Variants in SLC35D1 observed in about 807,000 individuals in gnomAD.
SLC35D1 encodes the protein solute carrier family 35 member D1, also known as nucleotide sugar transporter SLC35D1.
In SLC35D1, 31 loss-of-function variants were observed where a neutral mutation model predicts 46.7. The ratio of observed to expected loss-of-function variants is 0.66; its 90% confidence interval spans 0.50 to 0.90. SLC35D1 has a LOEUF of 0.90. SLC35D1 is among the 40% of genes least tolerant of loss of function. The pLI is 0.00. For missense variants in SLC35D1, 397 were observed against 426.2 expected (o/e 0.93, Z 0.60); for synonymous variants, 195 against 164.6 (o/e 1.18, Z -1.41).
intron 8 of SLC35D1, among the ~76,000 whole-genome samples, 156 bp from the exon 9 acceptor site, chr1:67,021,758 C>G (rs1011263192): frequency 2.7e-5 from 4 of 150,154 alleles, no homozygotes; most frequent in African/African-American, 7.4e-5. Flanking sequence ...CACACACACA[C>G]AGGTATATGT....
At chr1:66,994,504 C>A (rs1047781803), downstream of SLC35D1, among the ~76,000 whole-genome samples, 1 of 152,012 alleles carries the variant, frequency 6.6e-6, no homozygotes, top group Non-Finnish European at 1.5e-5. Context: ...ACTAGCCAGA[C>A]GTGGTGGCAC....
At chr1:67,012,354 T>C (rs1001675383) in intron 10 of SLC35D1, among the ~76,000 whole-genome samples, 2 of 152,070 alleles carry the variant, frequency 1.3e-5, no homozygotes, top group African/African-American at 2.4e-5. Flanking sequence ...TGGCAATACA[T>C]TTTTTGGGCG....
At chr1:67,019,753 AAAGCACTAG>A (rs1254862869) in intron 10 of SLC35D1, among the ~76,000 whole-genome samples, 1 of 152,242 alleles carries the variant, frequency 6.6e-6, no homozygotes, top group Non-Finnish European at 1.5e-5. Flanking sequence ...CTTGAATCAT[AAAGCACTAG>A]AATCACAAAG....
At chr1:66,987,987 A>G in the SLC35D1 span, 3 of 152,320 alleles carry the variant, frequency 2.0e-5, no homozygotes, top group Non-Finnish European at 4.4e-5. Context: ...AGTGGAGTTC[A>G]TATCACATTA....
In SLC35D1 at chr1:67,053,926, C is replaced by A. The variant is rs756461049; in HGVS notation, c.88G>T (p.Gly30Trp). Reference sequence around the variant, plus strand: ...GTCAGCGTTTCGGCCGACGCCATCCCCAGCTCCTCCTCATCTCGGAGTGTG... The same window carrying A: ...GTCAGCGTTTCGGCCGACGCCATCCACAGCTCCTCCTCATCTCGGAGTGTG... ...SSTLRDEEELGMASAETLTVF... is the reference protein window; with the variant it reads ...SSTLRDEEELWMASAETLTVF... The change falls in exon 1 of 12, where the codon GGG (glycine) becomes TGG (tryptophan). Residue 30 changes from glycine to tryptophan, a missense_variant. Physicochemically the swap from Gly to Trp is radical, Grantham distance 184. Transcript: ENST00000235345. The A allele has an allele frequency of 6.8e-6, 11 of 1,613,836 alleles. No homozygotes were observed. The South Asian group carries it at 1.1e-4, about 16-fold the overall frequency.
chr1:67,006,993 T>C (rs1667463573), intron 11 of SLC35D1, among the ~76,000 whole-genome samples: 1 of 152,166 alleles, frequency 6.6e-6, no homozygotes, highest in South Asian at 2.1e-4. Context: ...TCTGTATTCA[T>C]CAAATAAGAA....
In SLC35D1 at chr1:67,024,030, C is replaced by T. The variant is rs996272953; in HGVS notation, c.730-2428G>A. Reference sequence around the variant, plus strand: ...CACGAACTCGGCTCACTGCAACCTCCGTCTCCTGGGTTCAAGTGATTCTCC... The same window carrying T: ...CACGAACTCGGCTCACTGCAACCTCTGTCTCCTGGGTTCAAGTGATTCTCC... On this transcript the variant is annotated intron_variant, in intron 8 of 11. Coordinates refer to ENST00000235345, the MANE Select transcript of SLC35D1 (RefSeq NM_015139.3). Among the ~76,000 whole-genome samples, 3 of 151,426 alleles carry T rather than the reference C, an allele frequency of 2.0e-5. No homozygotes were observed. The South Asian group carries it at 6.3e-4, about 32-fold the overall frequency.
At chr1:67,007,646 T>A (rs1667479314) in intron 11 of SLC35D1, among the ~76,000 whole-genome samples, 1 of 152,188 alleles carries the variant, frequency 6.6e-6, no homozygotes, top group Admixed American at 6.5e-5. Context: ...TGAATATTCA[T>A]CAACGAGCAT....
chr1:67,008,472 CAA>C lies in SLC35D1; in HGVS notation c.959+611_959+612del, dbSNP rs1035668269. ...GCTGGGAGACACCAGAAAAAAAAGA[CAA>C]AGTTACAGTTCCTGAGACAGGGGCC... On this transcript the variant is annotated intron_variant, in intron 11 of 11. Transcript: ENST00000235345. 4.7e-5 allele frequency: 60 copies of C among 1,287,614 alleles called. No homozygotes were observed. The African/African-American group carries it at 7.4e-4, about 16-fold the overall frequency. The allele number at this position is 1,287,614 out of a possible 1,614,324, so 79.8% of individuals were successfully genotyped here.
intron 8 of SLC35D1, among the ~76,000 whole-genome samples, chr1:67,040,328 G>A (rs983446089): frequency 8.5e-5 from 13 of 152,092 alleles, no homozygotes; most frequent in Non-Finnish European, 1.9e-4. Context: ...GTCACTACCT[G>A]CAGAGTAAAT....
chr1:66,986,572 A>ATTAC, the SLC35D1 span: 1 of 948,600 alleles, frequency 1.1e-6, no homozygotes, highest in East Asian at 2.4e-5. Context: ...CCCATGAAGT[A>ATTAC]TTACTGTTAA....
At chr1:67,010,070 A>G (rs1253252739) in intron 10 of SLC35D1, among the ~76,000 whole-genome samples, 1 of 152,210 alleles carries the variant, frequency 6.6e-6, no homozygotes, top group Non-Finnish European at 1.5e-5. Flanking sequence ...TATCCTAAGC[A>G]AACTAACACA....
intron 8 of SLC35D1, among the ~76,000 whole-genome samples, chr1:67,027,299 T>A (rs1305088183): frequency 6.6e-6 from 1 of 152,236 alleles, no homozygotes; most frequent in African/African-American, 2.4e-5. Context: ...TAATTGGCTA[T>A]GAATTAGCAA....
intron 11 of SLC35D1, 125 bp from the exon 12 acceptor site, chr1:67,004,573 C>A: frequency 1.3e-6 from 1 of 760,820 alleles, no homozygotes; most frequent in South Asian, 1.5e-5. Flanking sequence ...TGGGGAAATT[C>A]ATACAATGAA....
the SLC35D1 span, chr1:66,987,073 T>G: frequency 6.6e-6 from 1 of 152,500 alleles, no homozygotes; most frequent in Non-Finnish European, 1.5e-5. Context: ...ATATGGCACA[T>G]GTATACATTT....
chr1:67,047,252 G>A lies in SLC35D1; in HGVS notation c.636+13C>T. The stretch of plus-strand genomic sequence containing the variant: ...TCAGTACACAACTGTTAAAGCTTTA[G>A]ATTGCTACTTACTTTTGAATCTAAT... On this transcript the variant is annotated intron_variant, in intron 7 of 11. Transcript: ENST00000235345. 6.3e-7 allele frequency: 1 copy of A among 1,599,904 alleles called. No individual in the cohort carries two copies. Among genetic ancestry groups the A allele is most frequent in the East Asian group, 2.2e-5 (1 of 44,716 alleles).
chr1:67,014,155 C>T (rs1667631489), intron 10 of SLC35D1, among the ~76,000 whole-genome samples: 1 of 152,128 alleles, frequency 6.6e-6, no homozygotes, highest in African/African-American at 2.4e-5. Context: ...TTTTACAATG[C>T]CCCTCTAAAT....
the SLC35D1 span, among the ~76,000 whole-genome samples, chr1:66,992,459 G>C: frequency 6.6e-6 from 1 of 152,184 alleles, no homozygotes; most frequent in South Asian, 2.1e-4. Flanking sequence ...GCCCAGATGC[G>C]GTCCTTCTGG....
rs1645324673 is a variant in SLC35D1 at position 67,052,841 on chromosome 1, G to GA, written c.253_254insT (p.Ala85ValfsTer16). The GA allele has an allele frequency of 6.2e-7, 1 of 1,613,948 alleles. No individual in the cohort carries two copies. Among genetic ancestry groups the GA allele is most frequent in the African/African-American group, 1.3e-5 (1 of 74,874 alleles). ...GAGCGCCTTTCCCACCCAGAGAACT[G>GA]CCACTGTGGCCACCATCTGTAAACA... On this transcript the variant is annotated frameshift_variant, in exon 3 of 12. Coordinates refer to ENST00000235345, the MANE Select transcript of SLC35D1 (RefSeq NM_015139.3). LOFTEE classifies it high-confidence loss of function.
Sources: gnomAD v4.1 joint callset for allele counts (sites outside exome capture counted in the v4.1 genomes callset) on GRCh38, gnomAD v4.1.1 for gene constraint, MANE v1.5 for transcripts, NCBI Gene and HGNC (gene_info 2026-07-23, HGNC 2026-07-21) for gene names.